The following DMD variants were observed in gnomAD, a reference collection of about 807,000 sequenced individuals.
DMD encodes dystrophin, also known as mutant dystrophin.
DMD carries 63 observed loss-of-function variants against 330.1 expected under a neutral mutation model. The observed-to-expected ratio is 0.19, with a 90% CI of 0.16 to 0.24. The LOEUF (loss-of-function observed/expected upper bound fraction) is 0.24. DMD is among the 10% of genes least tolerant of loss of function. The pLI, the probability that DMD is intolerant of heterozygous loss-of-function variation, is 1.00. For missense variants in DMD, 3,344 were observed against 2,684.1 expected (o/e 1.25, Z -5.43); for synonymous variants, 1,223 against 959.8 (o/e 1.27, Z -5.07).
At chrX:32,807,167 G>C (rs998287408) in intron 7 of DMD, among the ~76,000 whole-genome samples, 1 of 96,431 alleles carries the variant, frequency 1.0e-5, no homozygotes, top group Non-Finnish European at 2.0e-5. Context: ...AAATCCAGGA[G>C]GTGTTTTTTT....
intron 45 of DMD, among the ~76,000 whole-genome samples, chrX:31,932,586 AAAT>A (rs1223258444): frequency 6.3e-5 from 7 of 111,014 alleles, no homozygotes; most frequent in African/African-American, 2.3e-4. Flanking sequence ...TCTACACTAA[AAAT>A]ACAAAAATTT....
chrX:32,945,168 C>A (rs746078735), intron 2 of DMD, among the ~76,000 whole-genome samples: 1 of 110,032 alleles, frequency 9.1e-6, no homozygotes, highest in South Asian at 4.0e-4. Flanking sequence ...TCCATGGATG[C>A]AAATATTCTG....
At chrX:32,489,446 A>AT (rs965241975) in intron 20 of DMD, among the ~76,000 whole-genome samples, 2 of 111,079 alleles carry the variant, frequency 1.8e-5, no homozygotes, top group African/African-American at 6.5e-5. Flanking sequence ...CTCTCTCTGC[A>AT]TGTATACACA....
At chrX:32,877,157 T>A (rs780645387) in intron 2 of DMD, among the ~76,000 whole-genome samples, 1 of 111,873 alleles carries the variant, frequency 8.9e-6, no homozygotes, top group Non-Finnish European at 1.9e-5. Flanking sequence ...CAAAGAAGTA[T>A]CATTACAAAA....
intron 62 of DMD, among the ~76,000 whole-genome samples, chrX:31,309,602 A>G (rs1232565556): frequency 8.9e-6 from 1 of 111,962 alleles, no homozygotes; most frequent in African/African-American, 3.2e-5. Context: ...CACAAATCTC[A>G]GATTCTTATC....
At chrX:32,716,975 G>C (rs1291973266) in intron 7 of DMD, among the ~76,000 whole-genome samples, 1 of 111,322 alleles carries the variant, frequency 9.0e-6, no homozygotes, top group Admixed American at 9.6e-5. Context: ...ACAGTATACG[G>C]TCATATGTAT....
chrX:31,606,156 G>A (rs1387260498), intron 55 of DMD, among the ~76,000 whole-genome samples: 1 of 111,492 alleles, frequency 9.0e-6, no homozygotes, highest in Non-Finnish European at 1.9e-5. Context: ...CTGCGGCCTT[G>A]TGAAGAAGAT....
Position 33,324,064 on chromosome X carries a change from A to G in DMD, c.7+15195T>C, listed in dbSNP as rs1234384462. ...TCAAATATACTTCCCTGTCAGAAAA[A>G]AATGATTATATATAAAATTAAATGA... is the stretch of plus-strand genomic sequence containing the variant. On this transcript the variant is annotated intron_variant, in intron 1 of 17. Coordinates refer to the DMD transcript ENST00000288447. Among the ~76,000 whole-genome samples the G allele has an allele frequency of 6.3e-5, 7 of 111,420 alleles. No homozygotes were observed. In the Admixed American group the frequency reaches 6.7e-4, roughly 11 times the overall value.
chrX:32,246,305 G>A (rs1371452610), intron 43 of DMD, among the ~76,000 whole-genome samples: 1 of 101,712 alleles, frequency 9.8e-6, no homozygotes, highest in Non-Finnish European at 2.0e-5. Flanking sequence ...GCATCCCAAG[G>A]ATGAAGCCCA....
At chrX:32,322,572 CAAAAT>C (rs1260859440) in intron 41 of DMD, among the ~76,000 whole-genome samples, 5 of 110,162 alleles carry the variant, frequency 4.5e-5, no homozygotes, top group African/African-American at 1.7e-4. Flanking sequence ...AAAATAAAAA[CAAAAT>C]AAAATAAAAT....
chrX:31,531,670 CTT>C (rs934776398), intron 55 of DMD, among the ~76,000 whole-genome samples: 3 of 107,338 alleles, frequency 2.8e-5, no homozygotes, highest in African/African-American at 1.0e-4. Context: ...TGCAGAAGCT[CTT>C]GAGTTTAATT....
At chrX:31,123,249 G>T (rs1377245492) in intron 78 of DMD, among the ~76,000 whole-genome samples, 1 of 111,679 alleles carries the variant, frequency 9.0e-6, no homozygotes, top group Non-Finnish European at 1.9e-5. Context: ...TGTCATTCAG[G>T]CATTTCTATT....
In DMD at chrX:32,614,464, G is replaced by A. The variant is rs370927319; in HGVS notation, c.1332-11C>T. ...AAAACTCTATGTAAACTGAAAATTT[G>A]AAAGAAGCCTATTATGACCTCTTTG... On this transcript the variant is annotated splice_polypyrimidine_tract_variant and intron_variant, in intron 11 of 78. Transcript: ENST00000357033. 8.1e-5 allele frequency: 97 copies of A among 1,193,144 alleles called. No individual in the cohort carries two copies. Among genetic ancestry groups the A allele is most frequent in the Non-Finnish European group, 1.1e-4 (93 of 882,363 alleles).
In DMD at chrX:32,994,523, G is replaced by A. The variant is rs1008692453; in HGVS notation, c.93+25616C>T. ...CAGTACGTTGCTTTAAGAATTAACT[G>A]AGAGTGCACATATATCTTTGACAAA... is the stretch of plus-strand genomic sequence containing the variant. On this transcript the variant is annotated intron_variant, in intron 2 of 78. Transcript: ENST00000357033. Among the ~76,000 whole-genome samples, 26 of 111,589 alleles carry A rather than the reference G, an allele frequency of 2.3e-4. 1 individual carries two copies. Among genetic ancestry groups the A allele is most frequent in the Admixed American group, 2.3e-3 (24 of 10,445 alleles).
intron 42 of DMD, among the ~76,000 whole-genome samples, chrX:32,298,411 T>C (rs62590661): frequency 0.12 from 12,774 of 110,173 alleles, 770 homozygotes; most frequent in Non-Finnish European, 0.16. Context: ...GAGTTGCCAT[T>C]AACTATAGTG....
At chrX:31,601,447 A>G (rs1156240223) in intron 55 of DMD, among the ~76,000 whole-genome samples, 1 of 112,022 alleles carries the variant, frequency 8.9e-6, no homozygotes, top group Non-Finnish European at 1.9e-5. Flanking sequence ...ATCGTGGGCC[A>G]CTTGTACATG....
intron 60 of DMD, among the ~76,000 whole-genome samples, chrX:31,351,847 GT>G (rs2058444944): frequency 9.3e-6 from 1 of 108,102 alleles, no homozygotes; most frequent in South Asian, 4.1e-4. Context: ...TATGAATTAT[GT>G]TATTTCATCT....
intron 7 of DMD, among the ~76,000 whole-genome samples, chrX:32,720,418 T>TA (rs199517686): frequency 0.017 from 1,862 of 112,172 alleles, 43 homozygotes; most frequent in African/African-American, 0.057. Flanking sequence ...TTTTTTTACT[T>TA]AGCTCACATC....
chrX:31,621,838 C>T (rs1221477135), intron 55 of DMD, among the ~76,000 whole-genome samples: 1 of 111,888 alleles, frequency 8.9e-6, no homozygotes, highest in Non-Finnish European at 1.9e-5. Context: ...CTCACACTAC[C>T]ACACTGACTA....
Sources: gnomAD v4.1 joint callset for allele counts (sites outside exome capture counted in the v4.1 genomes callset) on GRCh38, gnomAD v4.1.1 for gene constraint, MANE v1.5 for transcripts, NCBI Gene and HGNC (gene_info 2026-07-23, HGNC 2026-07-21) for gene names.